The following LRP1B variants were observed in gnomAD, a reference collection of about 807,000 sequenced individuals.
The protein encoded by LRP1B is LDL receptor related protein 1B, also known as low-density lipoprotein receptor-related protein 1B.
A neutral mutation model predicts 556.6 loss-of-function variants in LRP1B; 217 were observed. That is an observed-to-expected ratio of 0.39 (90% CI 0.35 to 0.44). The LOEUF is 0.44. Ranked by LOEUF, LRP1B falls within the 20% of genes least tolerant of loss-of-function variation. LRP1B has a pLI of 1.00. For synonymous variants in LRP1B, 2,047 were observed against 1,865.8 expected (o/e 1.10, Z -2.50); for missense variants, 5,053 against 5,620.8 (o/e 0.90, Z 3.23).
intron 1 of LRP1B, among the ~76,000 whole-genome samples, chr2:141,979,031 TA>T (rs1437437839): frequency 1.3e-5 from 2 of 151,606 alleles, no homozygotes; most frequent in South Asian, 2.1e-4. Context: ...TTTTGAGAAT[TA>T]AAAAAAGATG....
chr2:140,391,783 C>CATAT lies in LRP1B; in HGVS notation c.10415-5778_10415-5775dup, dbSNP rs200616687. Among the ~76,000 whole-genome samples the CATAT allele has an allele frequency of 6.6e-3, 1,002 of 152,200 alleles. 7 individuals carry two copies. The highest frequency in any genetic ancestry group is 0.023 in the African/African-American group (940 of 41,540). On this transcript the variant is annotated intron_variant, in intron 66 of 90. Transcript: ENST00000389484. ...AGCAAAAAAAAGTACATACAAAGTA[C>CATAT]ATATATTATTTTCCTAGAGATTTAT...
chr2:142,086,739 T>C (rs148144792), intron 1 of LRP1B, among the ~76,000 whole-genome samples: 3,742 of 152,246 alleles, frequency 0.025, 64 homozygotes, highest in Middle Eastern at 0.051. Context: ...TTTAAAAAAG[T>C]ATTTGTAGTT....
intron 1 of LRP1B, among the ~76,000 whole-genome samples, chr2:141,886,770 C>G (rs1699127222): frequency 6.6e-6 from 1 of 152,072 alleles, no homozygotes; most frequent in South Asian, 2.1e-4. Flanking sequence ...GAGTACTGTA[C>G]TTTTGCTTTC....
At chr2:140,601,097 AAAC>A (rs1682651915) in intron 42 of LRP1B, among the ~76,000 whole-genome samples, 2 of 137,458 alleles carry the variant, frequency 1.5e-5, no homozygotes, top group Non-Finnish European at 3.1e-5. Flanking sequence ...AAAAAAAAAA[AAAC>A]ACTCTTAGTC....
chr2:140,695,808 T>C (rs1290684823), intron 41 of LRP1B, among the ~76,000 whole-genome samples: 1 of 152,178 alleles, frequency 6.6e-6, no homozygotes, highest in Non-Finnish European at 1.5e-5. Context: ...TTTTCATCCT[T>C]ATTCGCTCAT....
chr2:141,265,481 G>A (rs1190847291), intron 3 of LRP1B, among the ~76,000 whole-genome samples: 2 of 152,150 alleles, frequency 1.3e-5, no homozygotes, highest in Admixed American at 6.5e-5. Flanking sequence ...ATGCATAAGA[G>A]CCTTGAGGTC....
At chr2:140,834,732 T>A (rs1324026434) in intron 31 of LRP1B, among the ~76,000 whole-genome samples, 1 of 151,764 alleles carries the variant, frequency 6.6e-6, no homozygotes, top group Admixed American at 6.6e-5. Flanking sequence ...GAGTTCACCA[T>A]CCAGAATTGA....
At chr2:141,398,894 T>A (rs1219599908) in intron 3 of LRP1B, among the ~76,000 whole-genome samples, 2 of 152,158 alleles carry the variant, frequency 1.3e-5, no homozygotes, top group East Asian at 3.9e-4. Flanking sequence ...ACTAAGCCAG[T>A]TCCAGCTGGC....
intron 1 of LRP1B, among the ~76,000 whole-genome samples, chr2:141,975,520 G>A (rs1159182726): frequency 1.3e-5 from 2 of 152,038 alleles, no homozygotes; most frequent in Non-Finnish European, 2.9e-5. Context: ...AAAACACTGG[G>A]TGGCACACTC....
At chr2:141,843,485 G>T (rs1487338918) in intron 1 of LRP1B, among the ~76,000 whole-genome samples, 3 of 152,086 alleles carry the variant, frequency 2.0e-5, no homozygotes, top group Admixed American at 2.0e-4. Context: ...TCTAAGTTGT[G>T]CCCCGAGTGA....
intron 2 of LRP1B, among the ~76,000 whole-genome samples, chr2:141,713,089 T>C (rs1366768626): frequency 6.8e-6 from 1 of 146,972 alleles, no homozygotes; most frequent in East Asian, 2.0e-4. Context: ...ATAATTTCAT[T>C]TTTTTTTTTT....
At chr2:141,374,234 A>G (rs1689345027) in intron 3 of LRP1B, among the ~76,000 whole-genome samples, 1 of 152,156 alleles carries the variant, frequency 6.6e-6, no homozygotes, top group Non-Finnish European at 1.5e-5. Flanking sequence ...GTTTCTGCTG[A>G]AAAGTTTACT....
chr2:141,689,470 A>G (rs945975248), intron 2 of LRP1B, among the ~76,000 whole-genome samples: 6 of 151,866 alleles, frequency 4.0e-5, no homozygotes, highest in Non-Finnish European at 7.4e-5. Flanking sequence ...CACATCAATT[A>G]TAAACACATA....
chr2:141,502,656 C>A (rs145531806), intron 2 of LRP1B, among the ~76,000 whole-genome samples: 15 of 151,792 alleles, frequency 9.9e-5, no homozygotes, highest in African/African-American at 3.4e-4. Context: ...GTGAAGAGAT[C>A]GAGACCATCC....
intron 6 of LRP1B, among the ~76,000 whole-genome samples, chr2:141,192,119 T>C (rs1189488698): frequency 6.6e-6 from 1 of 151,912 alleles, no homozygotes; most frequent in Non-Finnish European, 1.5e-5. Flanking sequence ...TTGGCTTTGT[T>C]CCTCATTTTA....
intron 2 of LRP1B, among the ~76,000 whole-genome samples, chr2:141,698,964 T>C (rs1408750844): frequency 6.6e-6 from 1 of 151,824 alleles, no homozygotes; most frequent in South Asian, 2.1e-4. Flanking sequence ...AAACATGGAA[T>C]TGGAGGATGT....
At chr2:141,397,978 T>G (rs1690306086) in intron 3 of LRP1B, among the ~76,000 whole-genome samples, 1 of 152,054 alleles carries the variant, frequency 6.6e-6, no homozygotes, top group Admixed American at 6.6e-5. Flanking sequence ...AGTATATACA[T>G]AGACCTATAC....
At chr2:141,979,787 T>C (rs1470046108) in intron 1 of LRP1B, among the ~76,000 whole-genome samples, 1 of 152,102 alleles carries the variant, frequency 6.6e-6, no homozygotes, top group Non-Finnish European at 1.5e-5. Flanking sequence ...AGACACTGCC[T>C]CAGAACTGCT....
chr2:140,358,939 A>G lies in LRP1B; in HGVS notation c.11139T>C (p.Phe3713=), dbSNP rs761830777. Residue 3713 remains phenylalanine (F), a synonymous_variant, in exon 73 of 91, where the codon TTT becomes TTC. Transcript: ENST00000389484. ...SDEAPDMCVK[F]LCPSTRPHRC... Reference sequence around the variant, plus strand: ...TGTGAGGTCTCGTGGATGGACAAAGAAATTTGACTGAAGAAAAAGAAGAAA... The same window carrying G: ...TGTGAGGTCTCGTGGATGGACAAAGGAATTTGACTGAAGAAAAAGAAGAAA... 3 of 1,606,984 alleles carry G rather than the reference A, an allele frequency of 1.9e-6. No homozygotes were observed. In the Admixed American group the frequency reaches 5.0e-5, roughly 27 times the overall value.
Sources: allele counts gnomAD v4.1 joint callset (sites outside exome capture counted in the v4.1 genomes callset), GRCh38; gene constraint gnomAD v4.1.1; transcripts MANE v1.5; gene names NCBI Gene and HGNC (gene_info 2026-07-23, HGNC 2026-07-21).